Variants in RANBP9 observed in about 807,000 individuals in gnomAD.
RANBP9 encodes the protein ran-binding protein 9.
In RANBP9, 15 loss-of-function variants were observed where a neutral mutation model predicts 84.3. The observed-to-expected ratio is 0.18, with a 90% CI of 0.12 to 0.27. The LOEUF is 0.27. Among genes scored for constraint, RANBP9 ranks in the 10% least tolerant of loss-of-function variants. The pLI is 1.00. For synonymous variants in RANBP9, 392 were observed against 349.6 expected, an observed-to-expected ratio of 1.12 and a Z score of -1.35; for missense variants, 809 against 912.8, an observed-to-expected ratio of 0.89 and a Z score of 1.46.
At chr6:13,677,946 C>G (rs1017114952) in intron 2 of RANBP9, among the ~76,000 whole-genome samples, 2 of 151,878 alleles carry the variant, frequency 1.3e-5, no homozygotes, top group Admixed American at 1.3e-4. Context: ...GGCAAAACCC[C>G]GTCTCTACAT....
At chr6:13,706,760 G>C (rs1460561764) in intron 1 of RANBP9, among the ~76,000 whole-genome samples, 1 of 151,532 alleles carries the variant, frequency 6.6e-6, no homozygotes. Context: ...CCGGCATTTT[G>C]GGAGGCCGAG....
chr6:13,656,807 C>T (rs1208311737), intron 4 of RANBP9, among the ~76,000 whole-genome samples: 2 of 152,052 alleles, frequency 1.3e-5, no homozygotes, highest in Non-Finnish European at 2.9e-5. Context: ...TACTGTGTAG[C>T]GTTTTATTTA....
chr6:13,647,906 T>G (rs1765208841), intron 5 of RANBP9, among the ~76,000 whole-genome samples: 1 of 152,140 alleles, frequency 6.6e-6, no homozygotes, highest in Non-Finnish European at 1.5e-5. Context: ...TTACAGATTT[T>G]AAAAAACAAC....
intron 5 of RANBP9, among the ~76,000 whole-genome samples, chr6:13,646,499 C>G (rs1446215657): frequency 6.6e-6 from 1 of 151,998 alleles, no homozygotes; most frequent in African/African-American, 2.4e-5. Flanking sequence ...GCATATAAGC[C>G]AAACACAATT....
intron 2 of RANBP9, among the ~76,000 whole-genome samples, chr6:13,671,044 T>C (rs1224704583): frequency 6.6e-6 from 1 of 152,150 alleles, no homozygotes; most frequent in Non-Finnish European, 1.5e-5. Flanking sequence ...TTCAAAGATG[T>C]ATAAATGTCC....
At chr6:13,705,130 G>A (rs1330216320) in intron 1 of RANBP9, among the ~76,000 whole-genome samples, 6 of 152,124 alleles carry the variant, frequency 3.9e-5, no homozygotes, top group Non-Finnish European at 1.5e-5. Flanking sequence ...TAGGCTGGGT[G>A]CAGTGGTTCA....
At chr6:13,655,485 A>T (rs1197780693) in intron 4 of RANBP9, among the ~76,000 whole-genome samples, 1 of 152,216 alleles carries the variant, frequency 6.6e-6, no homozygotes, top group Non-Finnish European at 1.5e-5. Flanking sequence ...AATAAATAAA[A>T]TAAACAAAAA....
chr6:13,648,898 A>G (rs1765232048), intron 5 of RANBP9, among the ~76,000 whole-genome samples: 1 of 152,218 alleles, frequency 6.6e-6, no homozygotes, highest in African/African-American at 2.4e-5. Flanking sequence ...TTAATTGTAT[A>G]ATTAAATCCC....
chr6:13,690,817 T>C (rs953287040), intron 2 of RANBP9, among the ~76,000 whole-genome samples: 2 of 152,140 alleles, frequency 1.3e-5, no homozygotes, highest in Non-Finnish European at 2.9e-5. Context: ...CAACGGTCAA[T>C]GATCACTAAA....
chr6:13,654,622 G>C (rs1765361413), intron 4 of RANBP9, among the ~76,000 whole-genome samples: 1 of 152,148 alleles, frequency 6.6e-6, no homozygotes, highest in African/African-American at 2.4e-5. Flanking sequence ...GCTTTCCTAT[G>C]AAGGACTACT....
chr6:13,630,496 T>TA (rs1449482281), intron 12 of RANBP9, among the ~76,000 whole-genome samples: 2 of 146,882 alleles, frequency 1.4e-5, no homozygotes, highest in East Asian at 2.0e-4. Context: ...TGACCTAGTG[T>TA]AAAAAAAGTC....
intron 1 of RANBP9, among the ~76,000 whole-genome samples, chr6:13,700,047 C>CTT (rs1757927022): frequency 1.3e-5 from 2 of 152,114 alleles, no homozygotes; most frequent in South Asian, 4.1e-4. Context: ...AAAGTTTAAA[C>CTT]TTTTAAAACT....
intron 2 of RANBP9, among the ~76,000 whole-genome samples, chr6:13,673,267 A>G (rs573348986): frequency 5.2e-4 from 79 of 152,198 alleles, no homozygotes; most frequent in African/African-American, 1.9e-3. Flanking sequence ...TTGGGAAAAA[A>G]CCCCACCAAG....
At chr6:13,686,352 C>G (rs1345046913) in intron 2 of RANBP9, among the ~76,000 whole-genome samples, 1 of 151,954 alleles carries the variant, frequency 6.6e-6, no homozygotes, top group Non-Finnish European at 1.5e-5. Context: ...GCGGCGCGAT[C>G]TTGGCTCACT....
chr6:13,694,175 T>C (rs1766387971), intron 2 of RANBP9, among the ~76,000 whole-genome samples: 1 of 152,228 alleles, frequency 6.6e-6, no homozygotes, highest in South Asian at 2.1e-4. Context: ...CACTCCTAGA[T>C]ACTTACTCGT....
intron 2 of RANBP9, among the ~76,000 whole-genome samples, chr6:13,695,134 C>T (rs74382585): frequency 0.058 from 8,900 of 152,182 alleles, 299 homozygotes; most frequent in East Asian, 0.11. Context: ...TGTTAAGAAG[C>T]TCTACATTTT....
At chr6:13,672,104 G>A (rs1765790816) in intron 2 of RANBP9, among the ~76,000 whole-genome samples, 1 of 152,138 alleles carries the variant, frequency 6.6e-6, no homozygotes, top group Non-Finnish European at 1.5e-5. Context: ...CAGTCTTAAG[G>A]AAGAATATAG....
intron 2 of RANBP9, among the ~76,000 whole-genome samples, chr6:13,663,699 C>T (rs984534771): frequency 4.6e-5 from 7 of 151,756 alleles, no homozygotes; most frequent in African/African-American, 9.7e-5. Flanking sequence ...TGTATCAAAA[C>T]GATAACATAT....
chr6:13,649,464 A>G (rs960461063), intron 5 of RANBP9, among the ~76,000 whole-genome samples: 4 of 143,702 alleles, frequency 2.8e-5, no homozygotes, highest in African/African-American at 1.1e-4. Flanking sequence ...CACAACAGAA[A>G]AAAAAAAAAA....
Sources: allele counts gnomAD v4.1 joint callset (sites outside exome capture counted in the v4.1 genomes callset), GRCh38; gene constraint gnomAD v4.1.1; transcripts MANE v1.5; gene names NCBI Gene and HGNC (gene_info 2026-07-23, HGNC 2026-07-21).